The following PIGK variants were observed in gnomAD, a reference collection of about 807,000 sequenced individuals.
The protein encoded by PIGK is GPI-anchor transamidase.
A neutral mutation model predicts 50.6 loss-of-function variants in PIGK; 42 were observed. The observed-to-expected ratio is 0.83, with a 90% CI of 0.65 to 1.07. The LOEUF (loss-of-function observed/expected upper bound fraction) is 1.07, where lower values mean the gene tolerates loss of function less well. Among genes scored for constraint, PIGK ranks in the 50% least tolerant of loss-of-function variants. The probability of loss-of-function intolerance (pLI) is 0.00; values close to 1 mark genes in which losing one functional copy is unlikely to be tolerated. For synonymous variants in PIGK, 151 were observed against 156.0 expected (o/e 0.97, Z 0.24); for missense variants, 448 against 488.7 (o/e 0.92, Z 0.78).
intron 6 of PIGK, among the ~76,000 whole-genome samples, chr1:77,163,313 T>C (rs960298337): frequency 4.6e-5 from 7 of 152,160 alleles, no homozygotes; most frequent in Admixed American, 1.3e-4. Context: ...TAAGTGTTTA[T>C]TGAAAGTAAT....
chr1:77,123,098 C>A (rs541484367), intron 9 of PIGK, among the ~76,000 whole-genome samples: 1 of 152,012 alleles, frequency 6.6e-6, no homozygotes, highest in Non-Finnish European at 1.5e-5. Context: ...AGATACAAAG[C>A]TGATATAATC....
At chr1:77,147,483 T>C (rs1269253102) in intron 9 of PIGK, among the ~76,000 whole-genome samples, 1 of 152,204 alleles carries the variant, frequency 6.6e-6, no homozygotes, top group Non-Finnish European at 1.5e-5. Context: ...GATTCTGTTT[T>C]TCCTTAGGTA....
At chr1:77,206,752 C>T (rs758325499) in intron 2 of PIGK, 21 bp from the exon 3 acceptor site, 13 of 1,498,644 alleles carry the variant, frequency 8.7e-6, no homozygotes, top group Non-Finnish European at 1.2e-5. Context: ...AAAACAAAAA[C>T]AGAATTTTTA....
intron 4 of PIGK, among the ~76,000 whole-genome samples, chr1:77,168,774 A>T (rs1053198900): frequency 3.3e-5 from 5 of 151,900 alleles, no homozygotes; most frequent in African/African-American, 1.2e-4. Flanking sequence ...TTTATATTTA[A>T]AATGAAGTTT....
At chr1:77,191,940 C>T (rs1426216881) in intron 3 of PIGK, among the ~76,000 whole-genome samples, 1 of 152,144 alleles carries the variant, frequency 6.6e-6, no homozygotes, top group African/African-American at 2.4e-5. Flanking sequence ...TCTTAGAAAC[C>T]ATTAATATAA....
At chr1:77,098,107 G>A (rs1442201077) in intron 10 of PIGK, among the ~76,000 whole-genome samples, 1 of 152,146 alleles carries the variant, frequency 6.6e-6, no homozygotes, top group Non-Finnish European at 1.5e-5. Context: ...AGATCAGTGG[G>A]AAAGGGAATA....
At chr1:77,203,243 GA>G (rs1234405527) in intron 3 of PIGK, among the ~76,000 whole-genome samples, 2 of 152,130 alleles carry the variant, frequency 1.3e-5, no homozygotes, top group Admixed American at 1.3e-4. Context: ...ACTAACCTTA[GA>G]ACCTAACCCC....
intron 9 of PIGK, among the ~76,000 whole-genome samples, chr1:77,141,085 TAAAG>T (rs1654639761): frequency 6.6e-6 from 1 of 152,122 alleles, no homozygotes; most frequent in Non-Finnish European, 1.5e-5. Context: ...ATCTTTGCTA[TAAAG>T]AAATAAACAT....
chr1:77,156,863 A>G (rs1335073348), intron 8 of PIGK, among the ~76,000 whole-genome samples: 2 of 152,210 alleles, frequency 1.3e-5, no homozygotes, highest in East Asian at 1.9e-4. Context: ...GTGGAGTGTA[A>G]GATGAATATA....
intron 3 of PIGK, among the ~76,000 whole-genome samples, chr1:77,203,334 T>C (rs1472682617): frequency 1.3e-5 from 2 of 152,116 alleles, no homozygotes; most frequent in African/African-American, 2.4e-5. Context: ...AAAACAATTA[T>C]TTGAGGGCAG....
Position 77,091,545 on chromosome 1 carries a change from A to C in PIGK, c.*829T>G, listed in dbSNP as rs576172576. On this transcript the variant is annotated 3_prime_UTR_variant, in exon 11 of 11. Coordinates refer to ENST00000370812, the MANE Select transcript of PIGK (RefSeq NM_005482.3). ...TGAAGAGGACGTGACCAATTGTAGA[A>C]GATCACAGAACGCTTACAAATGAAA... 5 of 152,334 alleles carry C rather than the reference A, an allele frequency of 3.3e-5. No individual in the cohort carries two copies. The South Asian group carries it at 6.2e-4, about 19-fold the overall frequency. 9.4% of individuals were successfully genotyped at this position (152,334 alleles called of 1,614,324 possible).
intron 5 of PIGK, among the ~76,000 whole-genome samples, chr1:77,165,820 A>G (rs1378905068): frequency 6.6e-6 from 1 of 152,196 alleles, no homozygotes; most frequent in Non-Finnish European, 1.5e-5. Flanking sequence ...TATTCATACC[A>G]ATTCTGAAGG....
At chr1:77,167,143 T>C (rs1484818886) in intron 4 of PIGK, among the ~76,000 whole-genome samples, 2 of 151,984 alleles carry the variant, frequency 1.3e-5, no homozygotes, top group African/African-American at 4.8e-5. Context: ...GAGTTCAAGA[T>C]CAGCCTAAGC....
Position 77,219,392 on chromosome 1 carries a change from G to GT in PIGK, c.10dup (p.Thr4AsnfsTer25). On this transcript the variant is annotated frameshift_variant, in exon 1 of 11. Coordinates refer to ENST00000370812, the MANE Select transcript of PIGK (RefSeq NM_005482.3). LOFTEE classifies it high-confidence loss of function. Reference sequence around the variant, plus strand: ...AGTCGCAGCCCGGCTGAGGCTGTCGGTGACGGCCATGTTTACCGGCTTCAG... The same window carrying GT: ...AGTCGCAGCCCGGCTGAGGCTGTCGGTTGACGGCCATGTTTACCGGCTTCAG... 6.2e-7 allele frequency: 1 copy of GT among 1,613,390 alleles called. No homozygotes were observed. Among genetic ancestry groups the GT allele is most frequent in the Non-Finnish European group, 8.5e-7 (1 of 1,179,602 alleles).
chr1:77,112,144 T>C (rs1161820704), intron 10 of PIGK, among the ~76,000 whole-genome samples: 2 of 152,026 alleles, frequency 1.3e-5, no homozygotes, highest in Non-Finnish European at 2.9e-5. Flanking sequence ...ACTGTGAATG[T>C]TAAAAATCTG....
intron 10 of PIGK, among the ~76,000 whole-genome samples, chr1:77,095,664 A>G (rs980419359): frequency 6.6e-6 from 1 of 152,160 alleles, no homozygotes; most frequent in African/African-American, 2.4e-5. Context: ...AAATGCAGGG[A>G]AAACCCTGTT....
At chr1:77,203,589 G>C (rs1656219368) in intron 3 of PIGK, among the ~76,000 whole-genome samples, 1 of 152,078 alleles carries the variant, frequency 6.6e-6, no homozygotes, top group Non-Finnish European at 1.5e-5. Flanking sequence ...TCAAATATTA[G>C]AAAATTCTGG....
chr1:77,198,043 A>C (rs1299167037), intron 3 of PIGK, among the ~76,000 whole-genome samples: 4 of 152,170 alleles, frequency 2.6e-5, no homozygotes, highest in African/African-American at 7.2e-5. Context: ...AAGAAAGCTT[A>C]TTAAAGGAAA....
intron 3 of PIGK, chr1:77,195,245 C>T: frequency 8.0e-7 from 1 of 1,253,258 alleles, no homozygotes; most frequent in Non-Finnish European, 1.2e-6. Flanking sequence ...CGACCTGCAG[C>T]TGTGGAGACC....
Sources: allele counts gnomAD v4.1 joint callset (sites outside exome capture counted in the v4.1 genomes callset), GRCh38; gene constraint gnomAD v4.1.1; transcripts MANE v1.5; gene names NCBI Gene and HGNC (gene_info 2026-07-23, HGNC 2026-07-21).